RABGAP1L: variants seen among roughly 807,000 people sequenced by gnomAD.
The protein encoded by RABGAP1L is RAB GTPase activating protein 1 like.
A neutral mutation model predicts 137.7 loss-of-function variants in RABGAP1L; 63 were observed. The ratio of observed to expected loss-of-function variants is 0.46; its 90% CI spans 0.37 to 0.56. The LOEUF (loss-of-function observed/expected upper bound fraction) is 0.56. RABGAP1L is among the 20% of genes least tolerant of loss of function. RABGAP1L has a pLI of 0.00. For missense variants in RABGAP1L, 1,095 were observed against 1,244.0 expected (o/e 0.88, Z 1.80); for synonymous variants, 431 against 433.7 (o/e 0.99, Z 0.08).
At chr1:174,685,271 G>C (rs1678373387) in intron 15 of RABGAP1L, among the ~76,000 whole-genome samples, 1 of 152,082 alleles carries the variant, frequency 6.6e-6, no homozygotes, top group South Asian at 2.1e-4. Flanking sequence ...TCTTTCTTTA[G>C]AGACAGAGTC....
intron 10 of RABGAP1L, among the ~76,000 whole-genome samples, chr1:174,286,655 G>A (rs924916098): frequency 2.0e-5 from 3 of 151,656 alleles, no homozygotes; most frequent in Non-Finnish European, 1.5e-5. Context: ...GTTGTTTGAG[G>A]TCTTTTTTTT....
chr1:174,386,659 C>T (rs1402318782), intron 12 of RABGAP1L, among the ~76,000 whole-genome samples: 1 of 151,982 alleles, frequency 6.6e-6, no homozygotes, highest in Non-Finnish European at 1.5e-5. Flanking sequence ...AGGTATGGGC[C>T]ACCACGCCTG....
intron 20 of RABGAP1L, chr1:174,964,992 T>C: frequency 1.4e-6 from 2 of 1,466,484 alleles, no homozygotes; most frequent in South Asian, 1.2e-5. Context: ...GGAGGTAAGT[T>C]TTTTTTTTAA....
intron 11 of RABGAP1L, among the ~76,000 whole-genome samples, chr1:174,369,636 G>T (rs1226318949): frequency 6.6e-6 from 1 of 152,074 alleles, no homozygotes; most frequent in African/African-American, 2.4e-5. Context: ...ATATCATTCA[G>T]TTGTTTCTAT....
intron 13 of RABGAP1L, among the ~76,000 whole-genome samples, chr1:174,518,267 C>T (rs1057435106): frequency 2.6e-5 from 4 of 152,064 alleles, no homozygotes; most frequent in Admixed American, 6.6e-5. Context: ...TTGAACTATC[C>T]GTATAAAGCC....
intron 1 of RABGAP1L, among the ~76,000 whole-genome samples, chr1:174,161,378 G>A (rs932132383): frequency 6.6e-6 from 1 of 152,048 alleles, no homozygotes; most frequent in Non-Finnish European, 1.5e-5. Context: ...GTGTAGCTGG[G>A]ACTACAGGCA....
intron 13 of RABGAP1L, among the ~76,000 whole-genome samples, chr1:174,483,785 C>A (rs1410800312): frequency 1.3e-5 from 2 of 151,666 alleles, no homozygotes; most frequent in Non-Finnish European, 2.9e-5. Context: ...CATGATTGCA[C>A]CACTGCACAC....
rs556885033 is a variant in RABGAP1L at position 174,679,104 on chromosome 1, C to T, written c.1825-4418C>T. On this transcript the variant is annotated intron_variant, in intron 14 of 25. Transcript: ENST00000681986. ...TGCTCAAATGCCTGGGTTTATATCCCGATCATTGTCCCTCCTCCTGTTCTC... is the reference window on the plus strand; with the variant it reads ...TGCTCAAATGCCTGGGTTTATATCCTGATCATTGTCCCTCCTCCTGTTCTC... Among the ~76,000 whole-genome samples the T allele has an allele frequency of 3.3e-5, 5 of 152,316 alleles. No individual in the cohort carries two copies. The South Asian group carries it at 8.3e-4, about 25-fold the overall frequency.
chr1:174,392,178 G>A (rs1647237757), intron 12 of RABGAP1L, among the ~76,000 whole-genome samples: 1 of 152,138 alleles, frequency 6.6e-6, no homozygotes, highest in Non-Finnish European at 1.5e-5. Flanking sequence ...ATGACTTCTT[G>A]TGTTTTATGA....
chr1:174,411,831 A>C (rs184509784), intron 13 of RABGAP1L, among the ~76,000 whole-genome samples: 33 of 152,200 alleles, frequency 2.2e-4, no homozygotes, highest in African/African-American at 7.9e-4. Context: ...TTTGTATTCC[A>C]CTGTGGTCCA....
At chr1:174,900,431 G>C (rs1657950582) in intron 19 of RABGAP1L, among the ~76,000 whole-genome samples, 2 of 152,174 alleles carry the variant, frequency 1.3e-5, no homozygotes, top group Non-Finnish European at 2.9e-5. Flanking sequence ...TAAATGGAGA[G>C]GATGTTGCTT....
At chr1:174,970,327 T>C (rs1476273583) in intron 21 of RABGAP1L, among the ~76,000 whole-genome samples, 2 of 152,210 alleles carry the variant, frequency 1.3e-5, no homozygotes, top group Non-Finnish European at 2.9e-5. Context: ...AAAGTCTTGG[T>C]TCTATGTTAA....
chr1:174,993,548 A>G lies in RABGAP1L; in HGVS notation c.*3547A>G, dbSNP rs1399669395. On this transcript the variant is annotated 3_prime_UTR_variant, in exon 26 of 26. Transcript: ENST00000681986. ...AACAATACAGATTTGGGCAGAGGAG[A>G]TAGAGTTACATCTTTAAAGGAGTGA... 6.6e-6 allele frequency: 1 copy of G among 152,180 alleles called. No homozygotes were observed. Among genetic ancestry groups the G allele is most frequent in the Non-Finnish European group, 1.5e-5 (1 of 68,032 alleles). The allele number at this position is 152,180 out of a possible 1,614,324, so 9.4% of individuals were successfully genotyped here. A position where few individuals can be genotyped will look rare whatever the true frequency, so the allele number is the denominator to read the frequency against.
At chr1:174,434,102 T>TACACACACAC (rs1400358664) in intron 13 of RABGAP1L, among the ~76,000 whole-genome samples, 19 of 102,762 alleles carry the variant, frequency 1.8e-4, no homozygotes, top group African/African-American at 6.8e-4. Flanking sequence ...CGCATGCGTG[T>TACACACACAC]ACACATACAC....
intron 18 of RABGAP1L, among the ~76,000 whole-genome samples, chr1:174,796,683 C>T (rs1283461307): frequency 6.6e-6 from 1 of 152,124 alleles, no homozygotes; most frequent in Non-Finnish European, 1.5e-5. Context: ...ACATACCTAA[C>T]TGTTTTAAGT....
intron 1 of RABGAP1L, among the ~76,000 whole-genome samples, chr1:174,201,260 ATTT>A (rs746379130): frequency 1.4e-5 from 2 of 139,898 alleles, no homozygotes. Flanking sequence ...CAGTGTAGAA[ATTT>A]TTTTTTTTTT....
chr1:174,340,974 A>G (rs1279648346), intron 11 of RABGAP1L, among the ~76,000 whole-genome samples: 2 of 151,812 alleles, frequency 1.3e-5, no homozygotes, highest in African/African-American at 2.4e-5. Flanking sequence ...ACGTGAGATG[A>G]TATCTCATTG....
intron 19 of RABGAP1L, among the ~76,000 whole-genome samples, chr1:174,825,694 C>T (rs549650707): frequency 5.9e-5 from 9 of 152,256 alleles, no homozygotes; most frequent in African/African-American, 1.9e-4. Flanking sequence ...ACCAGCCTGG[C>T]CAAAATGGCA....
intron 12 of RABGAP1L, 96 bp downstream of exon 12, chr1:174,371,168 A>T (rs1056733933): frequency 3.5e-6 from 2 of 564,902 alleles, no homozygotes. Context: ...GTTTTAAAGG[A>T]TTAATATTAA....
Sources: allele counts gnomAD v4.1 joint callset (sites outside exome capture counted in the v4.1 genomes callset), GRCh38; gene constraint gnomAD v4.1.1; transcripts MANE v1.5; gene names NCBI Gene and HGNC (gene_info 2026-07-23, HGNC 2026-07-21).